Variants in USH2A observed in about 807,000 individuals in gnomAD.
USH2A encodes the protein usherin.
A neutral mutation model predicts 538.9 loss-of-function variants in USH2A; 443 were observed. The ratio of observed to expected loss-of-function variants is 0.82; its 90% CI spans 0.76 to 0.89. The LOEUF is 0.89. USH2A is among the 40% of genes least tolerant of loss of function. USH2A has a pLI of 0.00. For missense variants in USH2A, 6,633 were observed against 6,324.8 expected (o/e 1.05, Z -1.65); for synonymous variants, 2,413 against 2,273.5 (o/e 1.06, Z -1.75).
At chr1:215,910,744 C>T (rs1665761776) in intron 38 of USH2A, among the ~76,000 whole-genome samples, 1 of 151,714 alleles carries the variant, frequency 6.6e-6, no homozygotes, top group Admixed American at 6.6e-5. Flanking sequence ...TTTAATGTAT[C>T]CCAAAAAACT....
At position 216,199,738 on chromosome 1, in the gene USH2A, T is replaced by C. The variant is rs200276882; in HGVS notation, c.3700A>G (p.Ile1234Val). The C allele has an allele frequency of 1.9e-5, 30 of 1,613,984 alleles. No individual in the cohort carries two copies. The highest frequency in any genetic ancestry group is 2.5e-5 in the Non-Finnish European group (30 of 1,179,996). ...GGGGCCTGGGCTGTGGTCACTGTAA[T>C]GGGCAAGCTGTGTAAACAGCCCCCG... ...TSGGCLHSLPITVTTAQAPPQ... is the reference protein window; with the variant it reads ...TSGGCLHSLPVTVTTAQAPPQ... The change falls in exon 17 of 72, where the codon ATT becomes GTT. Residue 1234 changes from isoleucine (I) to valine (V), a missense_variant. By Grantham distance (29) the Ile-to-Val change is conservative. Transcript: ENST00000307340.
chr1:215,627,859 A>G (rs533628236), intron 71 of USH2A, among the ~76,000 whole-genome samples: 1 of 152,260 alleles, frequency 6.6e-6, no homozygotes, highest in South Asian at 2.1e-4. Flanking sequence ...GCCCAGTGGA[A>G]TGGTAGGTAC....
rs57712355 is a variant in USH2A at position 215,805,984 on chromosome 1, C to CAA, written c.9740-6861_9740-6860dup. On this transcript the variant is annotated intron_variant, in intron 49 of 71. Coordinates refer to ENST00000307340, the MANE Select transcript of USH2A (RefSeq NM_206933.4). ...TTAGTGTATCTTAGAAAGACACAATCAAAAAAAAAAAAAAAAAAGGACAAA... is the reference window on the plus strand; with the variant it reads ...TTAGTGTATCTTAGAAAGACACAATCAAAAAAAAAAAAAAAAAAAAGGACAAA... Among the ~76,000 whole-genome samples the CAA allele has an allele frequency of 8.8e-3, 827 of 93,474 alleles. 17 individuals carry two copies. The highest frequency in any genetic ancestry group is 0.023 in the African/African-American group (699 of 29,800). 61.3% of individuals were successfully genotyped at this position (93,474 alleles called of 152,430 possible). A position where few individuals can be genotyped will look rare whatever the true frequency, so the allele number is the denominator to read the frequency against.
chr1:215,836,565 A>ATTTTTT (rs71159886), intron 47 of USH2A, among the ~76,000 whole-genome samples: 1 of 32,880 alleles, frequency 3.0e-5, no homozygotes, highest in African/African-American at 9.2e-5. Context: ...ATATATATAT[A>ATTTTTT]TTTTTTTTTG....
chr1:215,964,464 ATGTTATTAAG>A (rs1445724880), intron 37 of USH2A, among the ~76,000 whole-genome samples: 2 of 152,154 alleles, frequency 1.3e-5, no homozygotes, highest in Non-Finnish European at 2.9e-5. Context: ...CACTTGGAGG[ATGTTATTAAG>A]TATTACAAAG....
At chr1:215,777,499 C>T (rs1661498637) in intron 55 of USH2A, among the ~76,000 whole-genome samples, 2 of 152,296 alleles carry the variant, frequency 1.3e-5, no homozygotes, top group Middle Eastern at 3.4e-3. Flanking sequence ...ATTGTGAAAC[C>T]TTTGCTGGTA....
intron 14 of USH2A, among the ~76,000 whole-genome samples, chr1:216,219,960 T>G (rs2035423262): frequency 2.0e-5 from 3 of 152,140 alleles, no homozygotes; most frequent in Non-Finnish European, 4.4e-5. Context: ...CTGGTTACAA[T>G]GGGAAAGAAG....
chr1:216,299,516 G>A (rs958302315), intron 9 of USH2A, among the ~76,000 whole-genome samples: 9 of 152,066 alleles, frequency 5.9e-5, no homozygotes, highest in South Asian at 2.1e-4. Context: ...TGGGGTTACC[G>A]GTGGGTGGTA....
intron 38 of USH2A, among the ~76,000 whole-genome samples, chr1:215,933,951 T>G (rs1300810505): frequency 1.3e-5 from 2 of 151,876 alleles, no homozygotes; most frequent in Non-Finnish European, 2.9e-5. Context: ...CCGCAACGAG[T>G]TAAAACATGG....
intron 37 of USH2A, among the ~76,000 whole-genome samples, chr1:215,962,469 CA>C (rs1227090712): frequency 2.6e-5 from 4 of 151,922 alleles, no homozygotes; most frequent in Admixed American, 2.6e-4. Flanking sequence ...TGAATATTAC[CA>C]AGCTATATAA....
chr1:216,309,718 C>A (rs1228007135), intron 9 of USH2A, among the ~76,000 whole-genome samples: 1 of 152,038 alleles, frequency 6.6e-6, no homozygotes, highest in East Asian at 1.9e-4. Context: ...AGTATGTTCT[C>A]CTCTACTCCT....
At chr1:215,699,442 A>G (rs951814812) in intron 61 of USH2A, among the ~76,000 whole-genome samples, 10 of 152,120 alleles carry the variant, frequency 6.6e-5, no homozygotes, top group Non-Finnish European at 1.3e-4. Context: ...GATTCTTCCT[A>G]TCCATGAGCA....
chr1:216,419,615 ATCCATCTGTACAC>A (rs1247199514), intron 2 of USH2A, among the ~76,000 whole-genome samples: 2 of 152,150 alleles, frequency 1.3e-5, no homozygotes, highest in African/African-American at 4.8e-5. Flanking sequence ...AATAACACTC[ATCCATCTGTACAC>A]TCCATTAGAT....
chr1:216,226,431 G>C (rs888153577), intron 14 of USH2A, among the ~76,000 whole-genome samples: 1 of 152,144 alleles, frequency 6.6e-6, no homozygotes, highest in Non-Finnish European at 1.5e-5. Flanking sequence ...GCTAGGACAT[G>C]ATAAAGGCAG....
intron 31 of USH2A, 102 bp downstream of exon 31, chr1:216,048,432 G>T: frequency 8.5e-7 from 1 of 1,181,844 alleles, no homozygotes; most frequent in Non-Finnish European, 1.3e-6. Context: ...CATCAAATTA[G>T]GTTGGGGTTT....
chr1:215,965,389 C>G lies in USH2A; in HGVS notation c.7048G>C (p.Glu2350Gln), dbSNP rs771834002. 6.2e-7 allele frequency: 1 copy of G among 1,613,896 alleles called. No homozygotes were observed. The highest frequency in any genetic ancestry group is 1.1e-5 in the South Asian group (1 of 91,074). Residue 2350 changes from glutamate (E) to glutamine (Q), a missense_variant, in exon 37 of 72, where the codon GAA becomes CAA. Coordinates refer to ENST00000307340, the MANE Select transcript of USH2A (RefSeq NM_206933.4). ...QGSRKAHVRW[E>Q]APFRPNGLLT... ...AGTCCATTAGGGCGAAAAGGTGCTT[C>G]CCACCTCACGTGGGCTTTCCGGGAT...
At chr1:215,709,260 T>C (rs550265181) in intron 61 of USH2A, among the ~76,000 whole-genome samples, 1 of 152,220 alleles carries the variant, frequency 6.6e-6, no homozygotes, top group Non-Finnish European at 1.5e-5. Flanking sequence ...TTGATAATTT[T>C]ATCTATTTCC....
chr1:216,175,362 T>C lies in USH2A; in HGVS notation c.4517A>G (p.Glu1506Gly), dbSNP rs756472715. 3 of 1,613,814 alleles carry C rather than the reference T, an allele frequency of 1.9e-6. No individual in the cohort carries two copies. The highest frequency in any genetic ancestry group is 2.5e-6 in the Non-Finnish European group (3 of 1,179,844). ...PSPIYQLERR[E>G]SSLPALMTTM... ...GGTCATCAGAGCTGGTAGAGATGACTCTCTCCTTTCCAGCTGATATATAGG... is the reference window on the plus strand; with the variant it reads ...GGTCATCAGAGCTGGTAGAGATGACCCTCTCCTTTCCAGCTGATATATAGG... Residue 1506 changes from glutamate to glycine, a missense_variant, in exon 21 of 72, where the codon GAG (glutamate) becomes GGG (glycine). Transcript: ENST00000307340.
intron 58 of USH2A, among the ~76,000 whole-genome samples, chr1:215,746,441 TG>T (rs35985590): frequency 0.25 from 38,206 of 152,040 alleles, 5,061 homozygotes; most frequent in East Asian, 0.38. Flanking sequence ...TAAATAATGC[TG>T]TACAAAAGCC....
Sources: allele counts gnomAD v4.1 joint callset (sites outside exome capture counted in the v4.1 genomes callset), GRCh38; gene constraint gnomAD v4.1.1; transcripts MANE v1.5; gene names NCBI Gene and HGNC (gene_info 2026-07-23, HGNC 2026-07-21).